Variants in CDH20 observed in about 807,000 individuals in gnomAD.
CDH20 encodes the protein cadherin 20, also known as cadherin-20.
A neutral mutation model predicts 74.2 loss-of-function variants in CDH20; 29 were observed. The observed-to-expected ratio is 0.39, with a 90% CI of 0.29 to 0.53. The LOEUF is 0.53. Ranked by LOEUF, CDH20 falls within the 20% of genes least tolerant of loss-of-function variation. The pLI, the probability that CDH20 is intolerant of heterozygous loss-of-function variation, is 0.69. For missense variants in CDH20, 988 were observed against 1,048.3 expected (o/e 0.94, Z 0.79); for synonymous variants, 469 against 405.4 (o/e 1.16, Z -1.88).
chr18:61,354,285 C>T (rs1032052366), intron 1 of CDH20, among the ~76,000 whole-genome samples: 43 of 151,972 alleles, frequency 2.8e-4, no homozygotes, highest in Non-Finnish European at 4.9e-4. Context: ...ACACTATTGG[C>T]AAAAGTCACG....
intron 1 of CDH20, among the ~76,000 whole-genome samples, chr18:61,397,663 T>C (rs1912029495): frequency 6.6e-6 from 1 of 152,212 alleles, no homozygotes; most frequent in Non-Finnish European, 1.5e-5. Flanking sequence ...AGACTACCTC[T>C]GTCTTGTGGT....
intron 1 of CDH20, among the ~76,000 whole-genome samples, chr18:61,361,954 C>G (rs914619021): frequency 6.6e-6 from 1 of 152,058 alleles, no homozygotes; most frequent in Admixed American, 6.6e-5. Flanking sequence ...TTATGTTTTT[C>G]AAGCATTCTC....
At chr18:61,470,538 A>G (rs1451842563) in intron 1 of CDH20, among the ~76,000 whole-genome samples, 1 of 152,176 alleles carries the variant, frequency 6.6e-6, no homozygotes, top group Non-Finnish European at 1.5e-5. Context: ...TCAGCCATGT[A>G]TAGACATATT....
chr18:61,428,270 C>T (rs1913139400), intron 1 of CDH20, among the ~76,000 whole-genome samples: 1 of 152,100 alleles, frequency 6.6e-6, no homozygotes, highest in Non-Finnish European at 1.5e-5. Context: ...ATCCCTCGGG[C>T]TCTGTTTTTA....
At chr18:61,514,846 A>T (rs1438788658) in intron 6 of CDH20, among the ~76,000 whole-genome samples, 1 of 152,060 alleles carries the variant, frequency 6.6e-6, no homozygotes, top group African/African-American at 2.4e-5. Context: ...TTGAGGAGGC[A>T]GTCTGCCCAT....
intron 7 of CDH20, among the ~76,000 whole-genome samples, chr18:61,529,471 A>G (rs964544645): frequency 3.9e-5 from 6 of 152,196 alleles, no homozygotes; most frequent in Non-Finnish European, 5.9e-5. Flanking sequence ...AAACGATTTT[A>G]TTTGAATTCT....
At chr18:61,423,221 G>T (rs1481839757) in intron 1 of CDH20, among the ~76,000 whole-genome samples, 11 of 152,328 alleles carry the variant, frequency 7.2e-5, no homozygotes, top group Non-Finnish European at 1.5e-5. Flanking sequence ...GAAGGATGAG[G>T]TATACAGAGC....
intron 1 of CDH20, among the ~76,000 whole-genome samples, chr18:61,402,721 C>T (rs1912196377): frequency 6.6e-6 from 1 of 152,162 alleles, no homozygotes; most frequent in African/African-American, 2.4e-5. Flanking sequence ...AGCAACTTAA[C>T]AGCTAGAGAA....
intron 1 of CDH20, among the ~76,000 whole-genome samples, chr18:61,383,323 G>A (rs975287931): frequency 6.6e-6 from 1 of 152,178 alleles, no homozygotes; most frequent in African/African-American, 2.4e-5. Context: ...GCTCATGCCT[G>A]TAATCTCAGC....
chr18:61,395,741 T>C (rs533302961), intron 1 of CDH20, among the ~76,000 whole-genome samples: 1 of 152,288 alleles, frequency 6.6e-6, no homozygotes, highest in Admixed American at 6.5e-5. Context: ...AATATAAAAA[T>C]TATATGACCT....
rs191066995 is a variant in CDH20 at position 61,340,691 on chromosome 18, A to T, written c.-153+6864A>T. Among the ~76,000 whole-genome samples the T allele has an allele frequency of 8.5e-5, 13 of 152,288 alleles. 1 individual carries two copies. The highest frequency in any genetic ancestry group is 1.8e-4 in the Non-Finnish European group (12 of 68,028). On this transcript the variant is annotated intron_variant, in intron 1 of 11. Transcript: ENST00000262717. Reference sequence around the variant, plus strand: ...CCTTTATCATATTCACGATTGTTTCACTTGGTAAACTCAGCGTCTTTGAAC... The same window carrying T: ...CCTTTATCATATTCACGATTGTTTCTCTTGGTAAACTCAGCGTCTTTGAAC...
Position 61,507,480 on chromosome 18 carries a change from A to G in CDH20, c.937A>G (p.Ile313Val). The G allele has an allele frequency of 6.2e-7, 1 of 1,614,046 alleles. No individual in the cohort carries two copies. Among genetic ancestry groups the G allele is most frequent in the Non-Finnish European group, 8.5e-7 (1 of 1,179,928 alleles). The change falls in exon 6 of 12, where the codon ATT becomes GTT. Residue 313 changes from isoleucine (I) to valine (V), a missense_variant. Ile to Val is a conservative substitution (Grantham distance 29). Transcript: ENST00000262717. Reference sequence around the variant, plus strand: ...CATCAATGCAGAGATGAAATATACTATTGTGGATGGAGATGGTGCAGATGC... The same window carrying G: ...CATCAATGCAGAGATGAAATATACTGTTGTGGATGGAGATGGTGCAGATGC... The part of the protein sequence containing the change: ...EGINAEMKYT[I>V]VDGDGADAFD...
At chr18:61,369,116 A>C (rs1174860895) in intron 1 of CDH20, among the ~76,000 whole-genome samples, 1 of 152,124 alleles carries the variant, frequency 6.6e-6, no homozygotes, top group Non-Finnish European at 1.5e-5. Flanking sequence ...AGCACCACTT[A>C]TTATGTAGGT....
At chr18:61,429,899 AC>A (rs1397561589) in intron 1 of CDH20, among the ~76,000 whole-genome samples, 1 of 152,148 alleles carries the variant, frequency 6.6e-6, no homozygotes, top group Non-Finnish European at 1.5e-5. Flanking sequence ...TGTAGTGGGT[AC>A]TCTGAAAAGA....
chr18:61,369,460 A>G (rs1489445743), intron 1 of CDH20, among the ~76,000 whole-genome samples: 2 of 152,158 alleles, frequency 1.3e-5, no homozygotes, highest in Non-Finnish European at 2.9e-5. Context: ...GTTGATTACT[A>G]TATACTGAGC....
intron 1 of CDH20, among the ~76,000 whole-genome samples, chr18:61,382,493 C>T (rs1911465032): frequency 6.6e-6 from 1 of 152,142 alleles, no homozygotes; most frequent in South Asian, 2.1e-4. Flanking sequence ...AATATAGTCC[C>T]CACTTTGGGA....
intron 1 of CDH20, among the ~76,000 whole-genome samples, chr18:61,467,410 A>T (rs1000655686): frequency 1.3e-5 from 2 of 152,076 alleles, no homozygotes; most frequent in Admixed American, 6.5e-5. Flanking sequence ...TGTCTTTTTG[A>T]CAAGCCAGTT....
chr18:61,508,782 G>A (rs1911675209), intron 6 of CDH20, among the ~76,000 whole-genome samples: 1 of 152,068 alleles, frequency 6.6e-6, no homozygotes, highest in Admixed American at 6.6e-5. Flanking sequence ...GACTACAGGG[G>A]CACACTGCCA....
At chr18:61,371,996 T>C (rs529219231) in intron 1 of CDH20, among the ~76,000 whole-genome samples, 25 of 152,214 alleles carry the variant, frequency 1.6e-4, no homozygotes, top group African/African-American at 5.5e-4. Context: ...GAGAGTTAAA[T>C]TGCAAGTTGA....
Sources: gnomAD v4.1 joint callset for allele counts (sites outside exome capture counted in the v4.1 genomes callset) on GRCh38, gnomAD v4.1.1 for gene constraint, MANE v1.5 for transcripts, NCBI Gene and HGNC (gene_info 2026-07-23, HGNC 2026-07-21) for gene names.